Variants in GRIP1 observed in about 807,000 individuals in gnomAD.
GRIP1 encodes the protein glutamate receptor-interacting protein 1.
A neutral mutation model predicts 129.9 loss-of-function variants in GRIP1; 45 were observed. The observed-to-expected ratio is 0.35, with a 90% CI of 0.27 to 0.44. GRIP1 has a LOEUF of 0.44. GRIP1 is among the 20% of genes least tolerant of loss of function. The pLI is 1.00. For missense variants in GRIP1, 1,196 were observed against 1,396.8 expected, an observed-to-expected ratio of 0.86 and a Z score of 2.29; for synonymous variants, 530 against 520.8, an observed-to-expected ratio of 1.02 and a Z score of -0.24.
intron 1 of GRIP1, among the ~76,000 whole-genome samples, chr12:66,954,824 T>C (rs1181140660): frequency 6.6e-6 from 1 of 151,836 alleles, no homozygotes; most frequent in Non-Finnish European, 1.5e-5. Context: ...ATATAATTTA[T>C]TAGAAGGAGA....
At chr12:67,008,212 G>C (rs1033250438) in intron 1 of GRIP1, among the ~76,000 whole-genome samples, 5 of 152,182 alleles carry the variant, frequency 3.3e-5, no homozygotes, top group Admixed American at 3.3e-4. Flanking sequence ...GGAGATGCGA[G>C]GAAAAGGGGG....
At chr12:66,628,662 T>C (rs371366804) in intron 1 of GRIP1, among the ~76,000 whole-genome samples, 7 of 152,210 alleles carry the variant, frequency 4.6e-5, no homozygotes, top group African/African-American at 1.4e-4. Flanking sequence ...AGGGGTGAAT[T>C]TGCTCCTTTC....
upstream of GRIP1, among the ~76,000 whole-genome samples, chr12:66,681,961 CG>C (rs1236558967): frequency 6.6e-6 from 1 of 152,070 alleles, no homozygotes; most frequent in Non-Finnish European, 1.5e-5. Flanking sequence ...TATCATGGAG[CG>C]ACTCTGTTAT....
chr12:66,655,388 T>C (rs540414202), intron 1 of GRIP1, among the ~76,000 whole-genome samples: 7 of 152,280 alleles, frequency 4.6e-5, no homozygotes, highest in African/African-American at 1.4e-4. Flanking sequence ...CCCATATGCC[T>C]CCTGCCCTGC....
Position 66,355,507 on chromosome 12 carries a change from G to A in GRIP1, c.3013-1944C>T, listed in dbSNP as rs567538066. On this transcript the variant is annotated intron_variant, in intron 23 of 24. Transcript: ENST00000359742. ...AGCCCCACTTTACTACATAAAGGGT[G>A]TGTGGGGTTATGTGTGTGTGTAGCC... Among the ~76,000 whole-genome samples, 4 of 152,280 alleles carry A rather than the reference G, an allele frequency of 2.6e-5. No homozygotes were observed. In the South Asian group the frequency reaches 6.2e-4, roughly 24 times the overall value.
intron 1 of GRIP1, among the ~76,000 whole-genome samples, chr12:66,912,251 A>G (rs2041042926): frequency 6.6e-6 from 1 of 152,174 alleles, no homozygotes; most frequent in Non-Finnish European, 1.5e-5. Flanking sequence ...AATCTAACAC[A>G]CATATAATGT....
intron 23 of GRIP1, among the ~76,000 whole-genome samples, chr12:66,364,833 CCT>C (rs1313653201): frequency 6.6e-6 from 1 of 152,012 alleles, no homozygotes; most frequent in Non-Finnish European, 1.5e-5. Flanking sequence ...CCACCCTCTC[CCT>C]CTCTTTTTTT....
intron 1 of GRIP1, among the ~76,000 whole-genome samples, chr12:66,920,594 G>A (rs549426012): frequency 8.5e-5 from 13 of 152,176 alleles, no homozygotes; most frequent in Admixed American, 5.2e-4. Flanking sequence ...ACCTTTTGAT[G>A]TCTGATGAAG....
chr12:66,356,272 C>T (rs747788112), intron 23 of GRIP1, among the ~76,000 whole-genome samples: 10 of 152,176 alleles, frequency 6.6e-5, no homozygotes, highest in Admixed American at 1.3e-4. Flanking sequence ...CATATACAGA[C>T]AGGGAAATGA....
intron 1 of GRIP1, among the ~76,000 whole-genome samples, chr12:66,822,926 T>C (rs1566039481): frequency 6.6e-6 from 1 of 152,154 alleles, no homozygotes; most frequent in South Asian, 2.1e-4. Flanking sequence ...AACCTGAGCA[T>C]CACATGATAT....
At chr12:66,998,702 C>T (rs1451615893) in intron 1 of GRIP1, among the ~76,000 whole-genome samples, 1 of 152,082 alleles carries the variant, frequency 6.6e-6, no homozygotes, top group Non-Finnish European at 1.5e-5. Flanking sequence ...AGATCAGGCC[C>T]ATATTCTGTC....
chr12:66,456,418 C>G (rs2058966312), intron 9 of GRIP1, 76 bp from the exon 10 acceptor site: 1 of 692,500 alleles, frequency 1.4e-6, no homozygotes, highest in Non-Finnish European at 2.1e-6. Context: ...GGAAAAATAA[C>G]TGAATTGCCC....
At chr12:66,876,502 C>T (rs1382680632) in intron 1 of GRIP1, among the ~76,000 whole-genome samples, 2 of 152,026 alleles carry the variant, frequency 1.3e-5, no homozygotes, top group African/African-American at 4.8e-5. Flanking sequence ...TTCCACATTT[C>T]CTCATAATTA....
At chr12:66,670,984 G>A (rs945714079) in intron 1 of GRIP1, among the ~76,000 whole-genome samples, 3 of 152,128 alleles carry the variant, frequency 2.0e-5, no homozygotes, top group South Asian at 2.1e-4. Context: ...CTGCCAGTAC[G>A]TTAGGTCCAT....
intron 1 of GRIP1, among the ~76,000 whole-genome samples, chr12:67,008,104 C>T (rs2042654118): frequency 6.6e-6 from 1 of 152,102 alleles, no homozygotes; most frequent in Non-Finnish European, 1.5e-5. Context: ...TGTATTTAAA[C>T]TTTTCTTTTT....
At chr12:66,669,979 C>A (rs577113049) in intron 1 of GRIP1, among the ~76,000 whole-genome samples, 2 of 152,092 alleles carry the variant, frequency 1.3e-5, no homozygotes, top group African/African-American at 4.8e-5. Context: ...TCAAAAAATT[C>A]TTTAACATTT....
chr12:66,358,803 T>G (rs2054611625), intron 23 of GRIP1, among the ~76,000 whole-genome samples: 1 of 152,034 alleles, frequency 6.6e-6, no homozygotes, highest in Non-Finnish European at 1.5e-5. Flanking sequence ...CTCAAAGGGA[T>G]GAAGAGGAGA....
chr12:66,899,528 A>T (rs1445322064), intron 1 of GRIP1, among the ~76,000 whole-genome samples: 2 of 150,826 alleles, frequency 1.3e-5, no homozygotes, highest in Non-Finnish European at 3.0e-5. Context: ...ATACCTGGCT[A>T]TTTTTTTTTA....
At chr12:66,820,595 A>G (rs1288431102) in intron 1 of GRIP1, among the ~76,000 whole-genome samples, 2 of 152,158 alleles carry the variant, frequency 1.3e-5, no homozygotes, top group African/African-American at 4.8e-5. Context: ...CAAAATTTGG[A>G]AGCAACCAAT....
Sources: gnomAD v4.1 joint callset for allele counts (sites outside exome capture counted in the v4.1 genomes callset) on GRCh38, gnomAD v4.1.1 for gene constraint, MANE v1.5 for transcripts, NCBI Gene and HGNC (gene_info 2026-07-23, HGNC 2026-07-21) for gene names.